WDFY4: variants seen among roughly 807,000 people sequenced by gnomAD.
The protein encoded by WDFY4 is WD repeat- and FYVE domain-containing protein 4.
WDFY4 carries 169 observed loss-of-function variants against 351.9 expected under a neutral mutation model. That is an observed-to-expected ratio of 0.48 (90% CI 0.42 to 0.55). WDFY4 has a LOEUF of 0.55. Among genes scored for constraint, WDFY4 ranks in the 20% least tolerant of loss-of-function variants. WDFY4 has a pLI of 0.00. For synonymous variants in WDFY4, 1,622 were observed against 1,574.6 expected, an observed-to-expected ratio of 1.03 and a Z score of -0.71; for missense variants, 3,803 against 3,935.6, an observed-to-expected ratio of 0.97 and a Z score of 0.90.
At chr10:48,928,388 G>GTGTT (rs1839763255) in intron 47 of WDFY4, among the ~76,000 whole-genome samples, 1 of 150,896 alleles carries the variant, frequency 6.6e-6, no homozygotes, top group Non-Finnish European at 1.5e-5. Context: ...GTGTGTGTGT[G>GTGTT]TGTGTGTGTT....
chr10:48,908,464 G>A (rs917080665), intron 47 of WDFY4, among the ~76,000 whole-genome samples: 4 of 152,194 alleles, frequency 2.6e-5, no homozygotes, highest in Non-Finnish European at 5.9e-5. Flanking sequence ...TTAGCCGGCT[G>A]AGCCGAGGTT....
intron 13 of WDFY4, among the ~76,000 whole-genome samples, chr10:48,761,791 G>A (rs762902018): frequency 1.3e-5 from 2 of 152,236 alleles, no homozygotes; most frequent in African/African-American, 2.4e-5. Context: ...AGCAGCCAAG[G>A]AAAGAGGATT....
chr10:48,787,988 TTCTC>T, intron 20 of WDFY4, among the ~76,000 whole-genome samples: 1 of 130,114 alleles, frequency 7.7e-6, no homozygotes, highest in Non-Finnish European at 1.6e-5. Context: ...CTTCTTCTCC[TTCTC>T]CTTCTCCTTC....
intron 47 of WDFY4, among the ~76,000 whole-genome samples, chr10:48,903,851 G>A (rs1446815690): frequency 1.3e-5 from 2 of 152,234 alleles, no homozygotes; most frequent in East Asian, 3.8e-4. Context: ...AGATTATCAA[G>A]AATGGATGCA....
rs1314472669 is a variant in WDFY4, at chr10:48,723,582, G to A, written c.591+15G>A. The A allele has an allele frequency of 4.5e-6, 7 of 1,551,480 alleles. No individual in the cohort carries two copies. The highest frequency in any genetic ancestry group is 6.1e-6 in the Non-Finnish European group (7 of 1,146,858). On this transcript the variant is annotated intron_variant, in intron 5 of 61. Transcript: ENST00000325239. Reference sequence around the variant, plus strand: ...TGTTCGTGCAGGTGAGTTCAAGGAGGGCCTCCAATTCCCTGGGTCAAAACC... The same window carrying A: ...TGTTCGTGCAGGTGAGTTCAAGGAGAGCCTCCAATTCCCTGGGTCAAAACC...
intron 43 of WDFY4, among the ~76,000 whole-genome samples, chr10:48,882,210 C>T (rs2133329834): frequency 6.6e-6 from 1 of 152,238 alleles, no homozygotes; most frequent in East Asian, 1.9e-4. Flanking sequence ...TTGGGGGAGC[C>T]TGCTCTGGGG....
At chr10:48,782,216 A>T (rs950531885) in intron 19 of WDFY4, among the ~76,000 whole-genome samples, 1 of 152,182 alleles carries the variant, frequency 6.6e-6, no homozygotes, top group African/African-American at 2.4e-5. Flanking sequence ...TGGTTGCAAT[A>T]TCTTTGTTTT....
intron 12 of WDFY4, among the ~76,000 whole-genome samples, chr10:48,753,205 A>C (rs1478034673): frequency 1.3e-5 from 2 of 151,952 alleles, no homozygotes; most frequent in Non-Finnish European, 2.9e-5. Flanking sequence ...CCCATATTTT[A>C]ATTGGGTTGT....
chr10:48,694,917 C>A (rs1234738134), intron 1 of WDFY4, among the ~76,000 whole-genome samples: 1 of 152,190 alleles, frequency 6.6e-6, no homozygotes, highest in African/African-American at 2.4e-5. Flanking sequence ...ACAGCCACCA[C>A]CACCCTGCCC....
At chr10:48,754,262 T>A (rs1589526826) in intron 12 of WDFY4, among the ~76,000 whole-genome samples, 1 of 150,642 alleles carries the variant, frequency 6.6e-6, no homozygotes, top group African/African-American at 2.4e-5. Flanking sequence ...TGTCTTTGTG[T>A]GGCTTCAGTA....
chr10:48,805,216 C>A, intron 25 of WDFY4, 44 bp from the exon 26 acceptor site: 1 of 1,515,594 alleles, frequency 6.6e-7, no homozygotes, highest in South Asian at 1.2e-5. Flanking sequence ...AAATTTGGTT[C>A]ATTCCAGTAA....
rs1402138213 is a variant in WDFY4, at chr10:48,820,402, C to T, written c.5674C>T (p.Pro1892Ser). Residue 1892 changes from proline (P) to serine (S), a missense_variant, in exon 33 of 62, where the codon CCC (proline) becomes TCC (serine). By Grantham distance (74) the Pro-to-Ser change is moderately conservative. Around this residue, in one of 3 missense-constraint regions of WDFY4, gnomAD observed 3,054 missense variants for 3,148.6 expected, o/e 0.97. Coordinates refer to ENST00000325239, the MANE Select transcript of WDFY4 (RefSeq NM_001394531.1). ...LRELLLGASS[P>S]KQWLPLEVLL... Reference sequence around the variant, plus strand: ...GGAGCTCCTGCTTGGAGCCTCCAGCCCCAAGCAGTGGCTGCCCCTGGAGGT... The same window carrying T: ...GGAGCTCCTGCTTGGAGCCTCCAGCTCCAAGCAGTGGCTGCCCCTGGAGGT... 9.7e-6 allele frequency: 15 copies of T among 1,551,418 alleles called. No homozygotes were observed. Among genetic ancestry groups the T allele is most frequent in the African/African-American group, 1.4e-5 (1 of 73,004 alleles).
chr10:48,970,313 C>T lies in WDFY4; in HGVS notation c.8928+24C>T, dbSNP rs923615653. The T allele has an allele frequency of 8.3e-5, 129 of 1,546,280 alleles. 1 individual carries two copies. Among genetic ancestry groups the T allele is most frequent in the Admixed American group, 3.1e-4 (16 of 50,962 alleles). On this transcript the variant is annotated intron_variant, in intron 57 of 61. Coordinates refer to ENST00000325239, the MANE Select transcript of WDFY4 (RefSeq NM_001394531.1). ...AGGTATGGTCCAGCTCGTGCAGGTG[C>T]GGTCCTCAGGTGGGGACAGTACTTC... is the stretch of plus-strand genomic sequence containing the variant.
chr10:48,887,478 T>C (rs1288958908), intron 43 of WDFY4, among the ~76,000 whole-genome samples: 1 of 152,162 alleles, frequency 6.6e-6, no homozygotes, highest in East Asian at 1.9e-4. Flanking sequence ...CAATTCTGCT[T>C]ATAGAAATTT....
intron 30 of WDFY4, 128 bp from the exon 31 acceptor site, chr10:48,813,829 C>T (rs1172682454): frequency 2.6e-6 from 3 of 1,166,638 alleles, no homozygotes; most frequent in Non-Finnish European, 3.4e-6. Context: ...GATCAACCAC[C>T]TAGGCTGCCA....
chr10:48,743,613 C>A, intron 12 of WDFY4, 65 bp downstream of exon 12: 3 of 1,464,494 alleles, frequency 2.0e-6, no homozygotes, highest in East Asian at 2.5e-5. Context: ...TAACGTCTTG[C>A]GCATGTGTAC....
chr10:48,951,813 G>C (rs1002871756), intron 51 of WDFY4, among the ~76,000 whole-genome samples: 1 of 152,148 alleles, frequency 6.6e-6, no homozygotes, highest in African/African-American at 2.4e-5. Flanking sequence ...TCCAGTAAAA[G>C]CACCAGTTGC....
chr10:48,777,411 A>G lies in WDFY4; in HGVS notation c.3099-8A>G, dbSNP rs1431531914. ...GTCCAATGATCTGAGACAATTTTCT[A>G]TTTCCAGCTGTTTGTTTATTCCAAC... On this transcript the variant is annotated splice_polypyrimidine_tract_variant and splice_region_variant and intron_variant, in intron 16 of 61. Coordinates refer to ENST00000325239, the MANE Select transcript of WDFY4 (RefSeq NM_001394531.1). 3 of 1,551,476 alleles carry G rather than the reference A, an allele frequency of 1.9e-6. No homozygotes were observed. The highest frequency in any genetic ancestry group is 2.6e-6 in the Non-Finnish European group (3 of 1,146,840).
At chr10:48,727,333 A>G in intron 6 of WDFY4, 137 bp from the exon 7 acceptor site, 1 of 940,144 alleles carries the variant, frequency 1.1e-6, no homozygotes, top group Non-Finnish European at 1.6e-6. Context: ...CTGATCCAAG[A>G]GCCAGCAGAA....
Sources: allele counts gnomAD v4.1 joint callset (sites outside exome capture counted in the v4.1 genomes callset), GRCh38; gene constraint gnomAD v4.1.1; regional missense constraint gnomAD v4.1.1; transcripts MANE v1.5; gene names NCBI Gene and HGNC (gene_info 2026-07-23, HGNC 2026-07-21).